The following NLRP11 variants were observed in gnomAD, a reference collection of about 807,000 sequenced individuals.
The protein encoded by NLRP11 is NLR family pyrin domain containing 11.
In NLRP11, 53 loss-of-function variants were observed where a neutral mutation model predicts 79.3. That is an observed-to-expected ratio of 0.67 (90% CI 0.54 to 0.84). NLRP11 has a LOEUF of 0.84. Ranked by LOEUF, NLRP11 falls within the 40% of genes least tolerant of loss-of-function variation. NLRP11 has a pLI of 0.00. For synonymous variants in NLRP11, 518 were observed against 462.6 expected, an observed-to-expected ratio of 1.12 and a Z score of -1.54; for missense variants, 1,264 against 1,255.0, an observed-to-expected ratio of 1.01 and a Z score of -0.11.
At chr19:55,832,270 G>T (rs1186950856), upstream of NLRP11, among the ~76,000 whole-genome samples, 6 of 152,180 alleles carry the variant, frequency 3.9e-5, 1 homozygote, top group Admixed American at 2.6e-4. Context: ...AATTGACTTA[G>T]GCAGTGCCGG....
intron 1 of NLRP11, among the ~76,000 whole-genome samples, chr19:55,828,115 A>G (rs1223911753): frequency 6.6e-6 from 1 of 150,940 alleles, no homozygotes; most frequent in Non-Finnish European, 1.5e-5. Flanking sequence ...TGTCCTTTGT[A>G]GGGACATGGA....
intron 1 of NLRP11, among the ~76,000 whole-genome samples, chr19:55,823,982 T>G (rs377425347): frequency 0.05 from 5,901 of 117,502 alleles, 197 homozygotes; most frequent in Middle Eastern, 0.11. Context: ...AAAGTTGAAA[T>G]GAAGGAAAAA....
chr19:55,800,488 A>G (rs1458031906), intron 5 of NLRP11, among the ~76,000 whole-genome samples: 1 of 152,034 alleles, frequency 6.6e-6, no homozygotes, highest in East Asian at 1.9e-4. Context: ...TTGTATTTTT[A>G]GTAGAGGTAG....
intron 1 of NLRP11, among the ~76,000 whole-genome samples, chr19:55,828,110 T>G (rs1230563578): frequency 1.3e-5 from 2 of 150,648 alleles, no homozygotes; most frequent in African/African-American, 4.9e-5. Flanking sequence ...GTTCATGTCC[T>G]TTGTAGGGAC....
At chr19:55,810,250 A>G in exon 3 of NLRP11, 1 of 1,614,092 alleles carries the variant, frequency 6.2e-7, no homozygotes, top group South Asian at 1.1e-5. Context: ...CGTCACGAAA[A>G]AATTTATAAT....
chr19:55,803,042 T>C (rs1348027274), intron 4 of NLRP11, among the ~76,000 whole-genome samples: 4 of 151,910 alleles, frequency 2.6e-5, no homozygotes, highest in Admixed American at 6.6e-5. Flanking sequence ...CAAAATGAAG[T>C]GCAAAACTAT....
chr19:55,792,465 G>T (rs1329029427), exon 7 of NLRP11: 4 of 1,613,802 alleles, frequency 2.5e-6, no homozygotes, highest in East Asian at 4.5e-5. Flanking sequence ...GACAGCAGAA[G>T]ACTAACCTGC....
At chr19:55,822,336 T>C (rs2122895894) in intron 1 of NLRP11, among the ~76,000 whole-genome samples, 1 of 152,346 alleles carries the variant, frequency 6.6e-6, no homozygotes, top group East Asian at 1.9e-4. Context: ...ATGATATCTT[T>C]ACGTCATGAC....
exon 10 of NLRP11, chr19:55,785,631 G>A: frequency 6.2e-7 from 1 of 1,612,870 alleles, no homozygotes; most frequent in South Asian, 1.1e-5. Flanking sequence ...ATGATCAAAG[G>A]GGTTGCCTAG....
chr19:55,818,390 C>CT (rs568911685), intron 1 of NLRP11, among the ~76,000 whole-genome samples, 154 bp from the exon 2 acceptor site: 148 of 152,290 alleles, frequency 9.7e-4, no homozygotes, highest in African/African-American at 3.3e-3. Flanking sequence ...GGTCAATGGC[C>CT]TTGTCGACTG....
intron 1 of NLRP11, among the ~76,000 whole-genome samples, chr19:55,830,625 G>A (rs919616265): frequency 2.2e-5 from 3 of 137,552 alleles, no homozygotes; most frequent in Non-Finnish European, 4.5e-5. Flanking sequence ...ATGCAACGTT[G>A]AGTGTGTGTT....
In NLRP11 at chr19:55,796,253, G is replaced by GT. The variant is rs1568629887; in HGVS notation, c.2172-4dup. The GT allele has an allele frequency of 6.2e-6, 10 of 1,607,830 alleles. No individual in the cohort carries two copies. The highest frequency in any genetic ancestry group is 1.7e-5 in the Admixed American group (1 of 59,774). On this transcript the variant is annotated splice_polypyrimidine_tract_variant and splice_region_variant and intron_variant, in intron 5 of 9. Transcript: ENST00000589093. ...CTCGCAAATCACATTTCATCAAGCT[G>GT]TAAGAGGAATTCAGAAATGAAAAGA...
chr19:55,816,128 A>G (rs1199072356), intron 2 of NLRP11, among the ~76,000 whole-genome samples: 1 of 152,238 alleles, frequency 6.6e-6, no homozygotes, highest in Non-Finnish European at 1.5e-5. Flanking sequence ...GGACCAAACT[A>G]CTTCTTCATT....
intron 6 of NLRP11, among the ~76,000 whole-genome samples, chr19:55,794,382 CCTT>C (rs775557179): frequency 7.2e-5 from 11 of 151,964 alleles, no homozygotes; most frequent in Non-Finnish European, 1.3e-4. Context: ...TTTCATGAGA[CCTT>C]CTTTTACAAC....
intron 4 of NLRP11, among the ~76,000 whole-genome samples, chr19:55,807,017 CT>C (rs1980064184): frequency 1.3e-5 from 2 of 152,158 alleles, no homozygotes; most frequent in South Asian, 4.1e-4. Flanking sequence ...CCTTGCCATT[CT>C]TTTCCCCCCG....
chr19:55,820,471 G>A (rs1048613061), intron 1 of NLRP11, among the ~76,000 whole-genome samples: 3 of 152,180 alleles, frequency 2.0e-5, no homozygotes, highest in Non-Finnish European at 2.9e-5. Flanking sequence ...CCACTGAACA[G>A]AGGGTGGTGG....
chr19:55,812,653 A>G (rs1021293382), intron 2 of NLRP11, among the ~76,000 whole-genome samples: 1 of 152,176 alleles, frequency 6.6e-6, no homozygotes, highest in Admixed American at 6.5e-5. Context: ...GGGGCTGTCA[A>G]TTAGAGGAGT....
At chr19:55,821,205 T>TCTCA (rs74181752) in intron 1 of NLRP11, among the ~76,000 whole-genome samples, 2 of 85,220 alleles carry the variant, frequency 2.3e-5, no homozygotes, top group Admixed American at 1.1e-4. Context: ...TCTCTCTCTC[T>TCTCA]CACACACACA....
At position 55,796,288 on chromosome 19, in the gene NLRP11, G is replaced by A. The variant is rs376216823; in HGVS notation, c.2172-38C>T. On this transcript the variant is annotated intron_variant, in intron 5 of 9. Transcript: ENST00000589093. ...TTCAGAAATGAAAAGAGGCTCCCGCGTTTAAGCTATCCCCTCTTTTAAATT... is the reference window on the plus strand; with the variant it reads ...TTCAGAAATGAAAAGAGGCTCCCGCATTTAAGCTATCCCCTCTTTTAAATT... The A allele has an allele frequency of 8.3e-5, 125 of 1,511,702 alleles. No homozygotes were observed. The African/African-American group carries it at 1.2e-3, about 14-fold the overall frequency. The allele number at this position is 1,511,702 out of a possible 1,614,324, so 93.6% of individuals were successfully genotyped here. A position where few individuals can be genotyped will look rare whatever the true frequency, so the allele number is the denominator to read the frequency against.
Sources: gnomAD v4.1 joint callset for allele counts (sites outside exome capture counted in the v4.1 genomes callset) on GRCh38, gnomAD v4.1.1 for gene constraint, MANE v1.5 for transcripts, NCBI Gene and HGNC (gene_info 2026-07-23, HGNC 2026-07-21) for gene names.